The following PTPRM variants were observed in gnomAD, a reference collection of about 807,000 sequenced individuals.
PTPRM encodes protein tyrosine phosphatase receptor type M.
In PTPRM, 47 loss-of-function variants were observed where a neutral mutation model predicts 186.7. That is an observed-to-expected ratio of 0.25 (90% confidence interval 0.20 to 0.32). PTPRM has a LOEUF of 0.32. Among genes scored for constraint, PTPRM ranks in the 10% least tolerant of loss-of-function variants. The probability of loss-of-function intolerance (pLI) is 1.00; values close to 1 mark genes in which losing one functional copy is unlikely to be tolerated. For missense variants in PTPRM, 1,494 were observed against 1,865.0 expected (o/e 0.80, Z 3.66); for synonymous variants, 668 against 674.9 (o/e 0.99, Z 0.16).
Position 8,235,082 on chromosome 18 carries a change from A to T in PTPRM, c.2301-8976A>T, listed in dbSNP as rs2094328642. Among the ~76,000 whole-genome samples, 5 of 152,120 alleles carry T rather than the reference A, an allele frequency of 3.3e-5. No individual in the cohort carries two copies. The South Asian group carries it at 8.3e-4, about 25-fold the overall frequency. On this transcript the variant is annotated intron_variant, in intron 14 of 32. Transcript: ENST00000580170. ...TGTCTTCAGTTTTGGTATTAGGGAA[A>T]TGCTGGCCTTTTAGAATGAGCTAGG... is the stretch of plus-strand genomic sequence containing the variant.
chr18:8,184,328 T>TA (rs145231368), intron 14 of PTPRM, among the ~76,000 whole-genome samples: 65,023 of 152,016 alleles, frequency 0.43, 14,893 homozygotes, highest in Non-Finnish European at 0.53. Flanking sequence ...CTGCTGCAAC[T>TA]ATGTAAAAGG....
intron 23 of PTPRM, among the ~76,000 whole-genome samples, chr18:8,353,760 A>AAG (rs1598410287): frequency 6.6e-6 from 1 of 152,286 alleles, no homozygotes; most frequent in South Asian, 2.1e-4. Context: ...CAGGAAGCTC[A>AAG]AGAGAGAGAT....
chr18:8,214,307 T>C (rs1212262644), intron 14 of PTPRM, among the ~76,000 whole-genome samples: 1 of 152,222 alleles, frequency 6.6e-6, no homozygotes, highest in African/African-American at 2.4e-5. Flanking sequence ...TAAAAAATTA[T>C]GACTCTGGAT....
intron 1 of PTPRM, among the ~76,000 whole-genome samples, chr18:7,588,691 A>G (rs2037045562): frequency 6.6e-6 from 1 of 152,194 alleles, no homozygotes. Context: ...GAAACACCAG[A>G]AGTAATTTTT....
chr18:8,111,193 A>G (rs2091737244), intron 11 of PTPRM, among the ~76,000 whole-genome samples: 1 of 152,194 alleles, frequency 6.6e-6, no homozygotes, highest in African/African-American at 2.4e-5. Flanking sequence ...TTCTTCACAC[A>G]TATCCTTATT....
intron 2 of PTPRM, among the ~76,000 whole-genome samples, chr18:7,797,183 C>T (rs2043707756): frequency 6.6e-6 from 1 of 152,206 alleles, no homozygotes; most frequent in African/African-American, 2.4e-5. Context: ...CACATGGCCT[C>T]ATCTCTTGTG....
chr18:7,899,182 A>C (rs1374122318), intron 3 of PTPRM, among the ~76,000 whole-genome samples: 1 of 152,216 alleles, frequency 6.6e-6, no homozygotes, highest in Non-Finnish European at 1.5e-5. Flanking sequence ...TACCAAAAAG[A>C]AGCACAAAAA....
intron 1 of PTPRM, among the ~76,000 whole-genome samples, chr18:7,760,830 A>G (rs1909547181): frequency 6.6e-6 from 1 of 152,160 alleles, no homozygotes; most frequent in Non-Finnish European, 1.5e-5. Flanking sequence ...GGACTCACCT[A>G]TGCTCCTTCT....
At chr18:7,830,329 C>T (rs545684496) in intron 2 of PTPRM, among the ~76,000 whole-genome samples, 13 of 152,226 alleles carry the variant, frequency 8.5e-5, no homozygotes, top group African/African-American at 1.7e-4. Context: ...ACTTAGATAC[C>T]GCAAGTCCAT....
At chr18:7,926,238 A>G (rs1360307065) in intron 4 of PTPRM, among the ~76,000 whole-genome samples, 4 of 152,194 alleles carry the variant, frequency 2.6e-5, no homozygotes, top group African/African-American at 9.6e-5. Context: ...ATTAGGTTTC[A>G]GTATAATCTT....
At chr18:8,316,757 G>C (rs1464210298) in intron 21 of PTPRM, among the ~76,000 whole-genome samples, 1 of 152,170 alleles carries the variant, frequency 6.6e-6, no homozygotes, top group Non-Finnish European at 1.5e-5. Flanking sequence ...AAGCCGTAAA[G>C]GGGGACTCGG....
chr18:8,359,783 C>G (rs73382281), intron 23 of PTPRM, among the ~76,000 whole-genome samples: 7 of 152,202 alleles, frequency 4.6e-5, no homozygotes, highest in African/African-American at 1.4e-4. Flanking sequence ...CATCATTGGA[C>G]GCAATATGGG....
intron 1 of PTPRM, among the ~76,000 whole-genome samples, chr18:7,579,853 C>T (rs2036796555): frequency 6.6e-6 from 1 of 152,152 alleles, no homozygotes; most frequent in Admixed American, 6.5e-5. Context: ...AATGATTTGT[C>T]TTAGGTGCCC....
intron 2 of PTPRM, among the ~76,000 whole-genome samples, chr18:7,860,881 G>C (rs2047347096): frequency 6.6e-6 from 1 of 152,178 alleles, no homozygotes; most frequent in African/African-American, 2.4e-5. Flanking sequence ...TCTGGTTTCT[G>C]CTCCTACCAT....
At chr18:7,856,082 T>C (rs2047079870) in intron 2 of PTPRM, among the ~76,000 whole-genome samples, 1 of 152,186 alleles carries the variant, frequency 6.6e-6, no homozygotes, top group Non-Finnish European at 1.5e-5. Flanking sequence ...CTTTTTCATC[T>C]CCTTCCTATA....
At chr18:7,796,189 G>A (rs934350747) in intron 2 of PTPRM, among the ~76,000 whole-genome samples, 7 of 151,834 alleles carry the variant, frequency 4.6e-5, no homozygotes, top group African/African-American at 1.7e-4. Flanking sequence ...ACAAGCAGAT[G>A]ATGTAAATAC....
At chr18:8,184,147 G>A (rs773719445) in intron 14 of PTPRM, among the ~76,000 whole-genome samples, 5 of 152,068 alleles carry the variant, frequency 3.3e-5, no homozygotes, top group Non-Finnish European at 5.9e-5. Flanking sequence ...TGCTCCCTCC[G>A]TTTCTTTGCA....
intron 22 of PTPRM, among the ~76,000 whole-genome samples, chr18:8,323,909 T>C (rs2095360529): frequency 6.6e-6 from 1 of 152,090 alleles, no homozygotes; most frequent in African/African-American, 2.4e-5. Flanking sequence ...GAAAGAAAAT[T>C]TCATTTAAGG....
intron 1 of PTPRM, among the ~76,000 whole-genome samples, chr18:7,718,991 T>G (rs959025964): frequency 2.6e-5 from 4 of 152,172 alleles, no homozygotes; most frequent in Non-Finnish European, 5.9e-5. Flanking sequence ...AGTATGGAGA[T>G]TCTCTAAAGA....
Sources: allele counts gnomAD v4.1 joint callset (sites outside exome capture counted in the v4.1 genomes callset), GRCh38; gene constraint gnomAD v4.1.1; transcripts MANE v1.5; gene names NCBI Gene and HGNC (gene_info 2026-07-23, HGNC 2026-07-21).